The following LRP1 variants were observed in gnomAD, a reference collection of about 807,000 sequenced individuals.
LRP1 encodes the protein LDL receptor related protein 1.
A neutral mutation model predicts 541.5 loss-of-function variants in LRP1; 51 were observed. The ratio of observed to expected loss-of-function variants is 0.09; its 90% confidence interval spans 0.08 to 0.12. The LOEUF (loss-of-function observed/expected upper bound fraction) is 0.12, where lower values mean the gene tolerates loss of function less well. Among genes scored for constraint, LRP1 ranks in the 10% least tolerant of loss-of-function variants. The probability of loss-of-function intolerance (pLI) is 1.00; values close to 1 mark genes in which losing one functional copy is unlikely to be tolerated. For synonymous variants in LRP1, 2,219 were observed against 2,470.8 expected, an observed-to-expected ratio of 0.90 and a Z score of 3.02; for missense variants, 3,878 against 6,376.2, an observed-to-expected ratio of 0.61 and a Z score of 13.34.
In LRP1 at chr12:57,184,500, A is replaced by G. The variant is rs1295080004; in HGVS notation, c.6186+48A>G. On this transcript the variant is annotated intron_variant, in intron 38 of 88. Transcript: ENST00000243077. This position sits in a 1 kb window ranked among gnomAD's most constrained non-coding sequence, Gnocchi z 7.8. ...GGATCCGATGGTAGACCCCTGACCC[A>G]GGCTCCTGTTCCCTGTGATGAGCCC... is the stretch of plus-strand genomic sequence containing the variant. 6.2e-7 allele frequency: 1 copy of G among 1,611,558 alleles called. No individual in the cohort carries two copies. Among genetic ancestry groups the G allele is most frequent in the Non-Finnish European group, 8.5e-7 (1 of 1,179,006 alleles).
intron 15 of LRP1, among the ~76,000 whole-genome samples, chr12:57,163,469 C>G (rs1446383458): frequency 6.6e-6 from 1 of 151,758 alleles, no homozygotes; most frequent in East Asian, 1.9e-4. Context: ...ATCCTAGCTA[C>G]TCGGGAGGCT....
rs1016428664 is a variant in LRP1 at position 57,208,761 on chromosome 12, C to T, written c.12089C>T (p.Ala4030Val). The T allele has an allele frequency of 5.0e-6, 8 of 1,613,988 alleles. No homozygotes were observed. Among genetic ancestry groups the T allele is most frequent in the Admixed American group, 1.7e-5 (1 of 60,018 alleles). Residue 4030 changes from alanine (A) to valine (V), a missense_variant, in exon 78 of 89, where the codon GCG becomes GTG. Around this residue, in one of 13 missense-constraint regions of LRP1, gnomAD observed 871 missense variants for 1,212.4 expected, o/e 0.72. Coordinates refer to ENST00000243077, the MANE Select transcript of LRP1 (RefSeq NM_002332.3). ...AACCACCCCAAGATTGAGACGGCAG[C>T]GATGGATGGGACGCTTCGGGAGACA... ...WGNHPKIETA[A>V]MDGTLRETLV... is the part of the protein sequence containing the mutation.
At chr12:57,144,534 T>C (rs2035359697) in intron 4 of LRP1, 1 of 166,976 alleles carries the variant, frequency 6.0e-6, no homozygotes, top group Admixed American at 5.5e-5. Context: ...TAAAACTGCA[T>C]CCCTGCCATC....
Position 57,173,772 on chromosome 12 carries a change from T to C in LRP1, c.3347-8T>C, listed in dbSNP as rs747732941. On this transcript the variant is annotated splice_polypyrimidine_tract_variant and splice_region_variant and intron_variant, in intron 21 of 88. Transcript: ENST00000243077. This position sits in a 1 kb window ranked among gnomAD's most constrained non-coding sequence, Gnocchi z 4.7. Reference sequence around the variant, plus strand: ...GGCCTGGGCCCTCATAGTGCACCTGTCCCTCAGCTCGGTGCATCAGCAAAG... The same window carrying C: ...GGCCTGGGCCCTCATAGTGCACCTGCCCCTCAGCTCGGTGCATCAGCAAAG... The C allele has an allele frequency of 6.2e-7, 1 of 1,613,792 alleles. No individual in the cohort carries two copies. Among genetic ancestry groups the C allele is most frequent in the South Asian group, 1.1e-5 (1 of 91,074 alleles).
rs2036863079 is a variant in LRP1, at chr12:57,209,619, G to A, written c.12263-73G>A. 3.1e-6 allele frequency: 4 copies of A among 1,296,226 alleles called. No homozygotes were observed. In the African/African-American group the frequency reaches 5.8e-5, roughly 19 times the overall value. 80.3% of individuals were successfully genotyped at this position (1,296,226 alleles called of 1,614,324 possible). A position where few individuals can be genotyped will look rare whatever the true frequency, so the allele number is the denominator to read the frequency against. On this transcript the variant is annotated intron_variant, in intron 79 of 88. Coordinates refer to ENST00000243077, the MANE Select transcript of LRP1 (RefSeq NM_002332.3). ...TTTGAGGTGTCTGGGAACCACAGGT[G>A]CCAGTGTCGTGGACAGCATGGCCAG... is the stretch of plus-strand genomic sequence containing the variant.
At chr12:57,169,098 C>T (rs756119350) in intron 19 of LRP1, 42 bp from the exon 20 acceptor site, 3 of 1,565,492 alleles carry the variant, frequency 1.9e-6, no homozygotes. Flanking sequence ...GGCTGCTCCA[C>T]CAACTCCCGC....
intron 62 of LRP1, 96 bp from the exon 63 acceptor site, chr12:57,200,346 G>C: frequency 1.2e-6 from 1 of 808,984 alleles, no homozygotes; most frequent in East Asian, 2.6e-5. Context: ...CCTGACCCCT[G>C]CCTCAACTTC....
At position 57,194,008 on chromosome 12, in the gene LRP1, C is replaced by G. The variant is rs765661356; in HGVS notation, c.7914C>G (p.Asn2638Lys). 1.9e-6 allele frequency: 3 copies of G among 1,613,838 alleles called. No individual in the cohort carries two copies. The highest frequency in any genetic ancestry group is 1.3e-5 in the African/African-American group (1 of 74,946). ...VDCEDASDEMNCSATDCSSYF... is the reference protein window; with the variant it reads ...VDCEDASDEMKCSATDCSSYF... ...GTGAGGACGCCTCAGATGAGATGAACTGCAGTGAGTGACGCCCTTTGCTGG... is the reference window on the plus strand; with the variant it reads ...GTGAGGACGCCTCAGATGAGATGAAGTGCAGTGAGTGACGCCCTTTGCTGG... The change falls in exon 48 of 89, where the codon AAC becomes AAG. Residue 2638 changes from asparagine to lysine, a missense_variant. Asn to Lys is a moderately conservative substitution (Grantham distance 94). Transcript: ENST00000243077.
intron 59 of LRP1, 56 bp from the exon 60 acceptor site, chr12:57,198,409 C>A (rs777673806): frequency 1.2e-6 from 2 of 1,604,870 alleles, no homozygotes; most frequent in Non-Finnish European, 1.7e-6. Context: ...TCCCTGCAGG[C>A]CACTGGTGCG....
Position 57,211,319 on chromosome 12 carries a change from G to A in LRP1, c.13060G>A (p.Val4354Ile). The part of the protein sequence containing the change: ...CSRCLEGACV[V>I]NKQSGDVTCN... ...CCGCTGTCTCGAAGGGGCCTGTGTG[G>A]TCAACAAGCAGAGTGGGGATGTCAC... Residue 4354 changes from valine (V) to isoleucine (I), a missense_variant, in exon 84 of 89, where the codon GTC (valine) becomes ATC (isoleucine). Physicochemically the swap from Val to Ile is conservative, Grantham distance 29. Coordinates refer to ENST00000243077, the MANE Select transcript of LRP1 (RefSeq NM_002332.3). The surrounding 1 kb of genome is among the most constrained non-coding windows in gnomAD (Gnocchi z 4.3). The A allele has an allele frequency of 6.2e-7, 1 of 1,614,164 alleles. No individual in the cohort carries two copies.
chr12:57,159,329 C>T (rs1224955083), intron 11 of LRP1, among the ~76,000 whole-genome samples: 1 of 152,128 alleles, frequency 6.6e-6, no homozygotes, highest in Non-Finnish European at 1.5e-5. Context: ...TTGGGGAAAT[C>T]AAAAGTAACT....
Position 57,156,911 on chromosome 12 carries a change from T to C in LRP1, c.1552T>C (p.Ser518Pro). ...SGFSLGSDGK[S>P]CKKPEHELFL... ...CTTCAGCCTGGGCAGTGACGGGAAG[T>C]CATGCAAGAGTGAGTGACAGGGAAG... The change falls in exon 10 of 89, where the codon TCA becomes CCA. Residue 518 changes from serine (S) to proline (P), a missense_variant. Transcript: ENST00000243077. The surrounding 1 kb of genome is among the most constrained non-coding windows in gnomAD (Gnocchi z 5.2). The C allele has an allele frequency of 6.3e-7, 1 of 1,580,154 alleles. No homozygotes were observed. The highest frequency in any genetic ancestry group is 8.6e-7 in the Non-Finnish European group (1 of 1,163,444).
rs2036716154 is a variant in LRP1, at chr12:57,204,089, C to T, written c.10952-321C>T. Reference sequence around the variant, plus strand: ...CATTCCCAGCCCAGTGCTGTTCCCGCGTCCCCGCTGTGGAACTACACAGCC... The same window carrying T: ...CATTCCCAGCCCAGTGCTGTTCCCGTGTCCCCGCTGTGGAACTACACAGCC... On this transcript the variant is annotated intron_variant, in intron 70 of 88. Transcript: ENST00000243077. The surrounding 1 kb of genome is among the most constrained non-coding windows in gnomAD (Gnocchi z 5.3). 1 of 247,466 alleles carries T rather than the reference C, an allele frequency of 4.0e-6. No individual in the cohort carries two copies. Among genetic ancestry groups the T allele is most frequent in the Non-Finnish European group, 7.7e-6 (1 of 129,484 alleles). The allele number at this position is 247,466 out of a possible 1,614,324, so 15.3% of individuals were successfully genotyped here. A position where few individuals can be genotyped will look rare whatever the true frequency, so the allele number is the denominator to read the frequency against.
Position 57,197,709 on chromosome 12 carries a change from T to C in LRP1, c.9282+45T>C, listed in dbSNP as rs1460573966. ...GCGACCAACACTGGCCCGCCTCAGATGACTGTTTTCAGATCGTCTCTCCTT... is the reference window on the plus strand; with the variant it reads ...GCGACCAACACTGGCCCGCCTCAGACGACTGTTTTCAGATCGTCTCTCCTT... On this transcript the variant is annotated intron_variant, in intron 58 of 88. Transcript: ENST00000243077. This position sits in a 1 kb window ranked among gnomAD's most constrained non-coding sequence, Gnocchi z 4.5. 1.9e-6 allele frequency: 3 copies of C among 1,600,146 alleles called. No homozygotes were observed. The highest frequency in any genetic ancestry group is 3.5e-5 in the Admixed American group (2 of 57,206).
rs1184853994 is a variant in LRP1 at position 57,183,491 on chromosome 12, C to T, written c.5775C>T (p.Val1925=). The T allele has an allele frequency of 9.3e-6, 15 of 1,613,748 alleles. No individual in the cohort carries two copies. The East Asian group carries it at 1.8e-4, about 19-fold the overall frequency. The change falls in exon 35 of 89, where the codon GTC becomes GTT. Residue 1925 remains valine (V), a synonymous_variant. Transcript: ENST00000243077. The surrounding 1 kb of genome is among the most constrained non-coding windows in gnomAD (Gnocchi z 6.1). ...LVPVSGTSLA[V]GIDFHAENDT... Reference sequence around the variant, plus strand: ...CAGTGTCCGGGACCTCGCTGGCTGTCGGCATCGACTTCCACGCTGGTGAGC... The same window carrying T: ...CAGTGTCCGGGACCTCGCTGGCTGTTGGCATCGACTTCCACGCTGGTGAGC...
At position 57,154,222 on chromosome 12, in the gene LRP1, G is replaced by A. The variant is rs750236140; in HGVS notation, c.856G>A (p.Ala286Thr). The change falls in exon 7 of 89, where the codon GCC (alanine) becomes ACC (threonine). Residue 286 changes from alanine (A) to threonine (T), a missense_variant. Ala to Thr is a moderately conservative substitution (Grantham distance 58, BLOSUM62 0). Coordinates refer to ENST00000243077, the MANE Select transcript of LRP1 (RefSeq NM_002332.3). This position sits in a 1 kb window ranked among gnomAD's most constrained non-coding sequence, Gnocchi z 4.6. Reference protein sequence around the residue: ...SLSLHHVEQMAIDWLTGNFYF... With the variant: ...SLSLHHVEQMTIDWLTGNFYF... ...GTACTCTCCAGACGTGGAACAGATG[G>A]CCATCGACTGGCTGACAGGCAACTT... 1.2e-6 allele frequency: 2 copies of A among 1,613,984 alleles called. No homozygotes were observed. The highest frequency in any genetic ancestry group is 1.7e-6 in the Non-Finnish European group (2 of 1,179,886).
chr12:57,168,606 G>A (rs2035884123), intron 19 of LRP1, among the ~76,000 whole-genome samples: 1 of 152,176 alleles, frequency 6.6e-6, no homozygotes, highest in African/African-American at 2.4e-5. Context: ...TGCTGAGAAA[G>A]CAGGAGCTTC....
rs754352981 is a variant in LRP1, at chr12:57,177,282, C to T, written c.4196+37C>T. The T allele has an allele frequency of 2.5e-6, 4 of 1,605,294 alleles. No individual in the cohort carries two copies. Among genetic ancestry groups the T allele is most frequent in the Non-Finnish European group, 3.4e-6 (4 of 1,173,292 alleles). On this transcript the variant is annotated intron_variant, in intron 25 of 88. Transcript: ENST00000243077. This position sits in a 1 kb window ranked among gnomAD's most constrained non-coding sequence, Gnocchi z 6.8. Reference sequence around the variant, plus strand: ...GCCCAGCCTTCTCCTGGCCCCATGGCCCCCCTGAAGTCCCATTCAGCCTGG... The same window carrying T: ...GCCCAGCCTTCTCCTGGCCCCATGGTCCCCCTGAAGTCCCATTCAGCCTGG...
At chr12:57,175,769 G>C in intron 23 of LRP1, 64 bp downstream of exon 23, 1 of 1,550,200 alleles carries the variant, frequency 6.5e-7, no homozygotes, top group South Asian at 1.2e-5. Context: ...AGTGGGTTGG[G>C]CTTGGTGGCC....
Sources: gnomAD v4.1 joint callset for allele counts (sites outside exome capture counted in the v4.1 genomes callset) on GRCh38, gnomAD v4.1.1 for gene constraint, gnomAD v4.1.1 regional missense constraint, Gnocchi (gnomAD v3.1) non-coding constraint, MANE v1.5 for transcripts, NCBI Gene and HGNC (gene_info 2026-07-23, HGNC 2026-07-21) for gene names.